The following EMD variants were observed in gnomAD, a reference collection of about 807,000 sequenced individuals.
EMD encodes emerin.
EMD carries 2 observed loss-of-function variants against 15.2 expected under a neutral mutation model. The observed-to-expected ratio is 0.13, with a 90% CI of 0.05 to 0.41. EMD has a LOEUF of 0.41. EMD is among the 10% of genes least tolerant of loss of function. The pLI is 0.99. For synonymous variants in EMD, 122 were observed against 86.2 expected (o/e 1.42, Z -2.30); for missense variants, 224 against 213.4 (o/e 1.05, Z -0.31).
In EMD at chrX:154,379,321, C is replaced by A. The variant is rs1287390553; in HGVS notation, c.-164C>A. 1.9e-6 allele frequency: 1 copy of A among 513,683 alleles called. No homozygotes were observed. The highest frequency in any genetic ancestry group is 2.5e-5 in the African/African-American group (1 of 39,617). The allele number at this position is 513,683 out of a possible 1,213,427, so 42.3% of individuals were successfully genotyped here. A position where few individuals can be genotyped will look rare whatever the true frequency, so the allele number is the denominator to read the frequency against. ...GCCTGCGGAGCCAGCGGCCGTGACG[C>A]GACAACGATTCGGCTGTGACGCGAC... On this transcript the variant is annotated 5_prime_UTR_variant, in exon 1 of 6. Transcript: ENST00000369842.
intron 4 of EMD, 192 bp from the exon 5 acceptor site, chrX:154,380,561 C>A: frequency 1.2e-6 from 1 of 846,565 alleles, no homozygotes; most frequent in Non-Finnish European, 1.7e-6. Flanking sequence ...AAAGGGGATG[C>A]TGGGGCATGA....
chrX:154,381,014 A>G lies in EMD; in HGVS notation c.582A>G (p.Ser194=), dbSNP rs781933286. The change falls in exon 6 of 6, where the codon TCA becomes TCG. Residue 194 remains serine, a synonymous_variant. Coordinates refer to ENST00000369842, the MANE Select transcript of EMD (RefSeq NM_000117.3). ...CCTCCACCTCTTTTATGTCCTCCTC[A>G]TCATCTTCCTCTTCATGGCTCACCC... ...TSSSTSFMSS[S]SSSSSWLTRR... is the part of the protein sequence containing the mutation. The G allele has an allele frequency of 3.3e-6, 4 of 1,211,189 alleles. No individual in the cohort carries two copies. The highest frequency in any genetic ancestry group is 3.5e-5 in the South Asian group (2 of 56,979).
At chrX:154,380,050 A>C (rs983016981) in intron 3 of EMD, 31 bp downstream of exon 3, 13 of 1,198,976 alleles carry the variant, frequency 1.1e-5, no homozygotes, top group Non-Finnish European at 1.5e-5. Context: ...GCACGCTGGC[A>C]CCTTCACCCG....
chrX:154,381,475 CCTGA>C lies in EMD; in HGVS notation c.*281_*284del, dbSNP rs2067888961. The C allele has an allele frequency of 2.8e-6, 1 of 351,028 alleles. No homozygotes were observed. The highest frequency in any genetic ancestry group is 4.9e-6 in the Non-Finnish European group (1 of 202,641). 28.9% of individuals were successfully genotyped at this position (351,028 alleles called of 1,213,427 possible). ...GGGGAGGGGATTAACCAAAGGCCAC[CCTGA>C]CTTTGTTTTTGTGGACACACAATAA... On this transcript the variant is annotated 3_prime_UTR_variant, in exon 6 of 6. Transcript: ENST00000369842.
rs782365183 is a variant in EMD at position 154,380,302 on chromosome X, G to T, written c.334G>T (p.Gly112Cys). The stretch of plus-strand genomic sequence containing the variant: ...GACTTATGGGGAGCCCGAGTCTGCC[G>T]GCCCGTCCAGGGCTGTCCGCCAGTC... ...TRTYGEPESA[G>C]PSRAVRQSVT... Residue 112 changes from glycine (G) to cysteine (C), a missense_variant, in exon 4 of 6, where the codon GGC becomes TGC. By Grantham distance (159) the Gly-to-Cys change is radical. Coordinates refer to ENST00000369842, the MANE Select transcript of EMD (RefSeq NM_000117.3). 9.9e-6 allele frequency: 12 copies of T among 1,211,376 alleles called. No individual in the cohort carries two copies. The South Asian group carries it at 1.8e-4, about 18-fold the overall frequency.
In EMD at chrX:154,381,057, G is replaced by A. The variant is rs1569552108; in HGVS notation, c.625G>A (p.Glu209Lys). ...SWLTRRAIRP[E>K]NRAPGAGLGQ... ...GCTCACCCGCCGTGCCATCCGGCCT[G>A]AAAACCGTGCTCCTGGGGCTGGGCT... is the stretch of plus-strand genomic sequence containing the variant. The change falls in exon 6 of 6, where the codon GAA (glutamate) becomes AAA (lysine). Residue 209 changes from glutamate (E) to lysine (K), a missense_variant. Coordinates refer to ENST00000369842, the MANE Select transcript of EMD (RefSeq NM_000117.3). 2 of 1,212,300 alleles carry A rather than the reference G, an allele frequency of 1.6e-6. No individual in the cohort carries two copies. Among genetic ancestry groups the A allele is most frequent in the Admixed American group, 4.3e-5 (2 of 46,145 alleles).
In EMD at chrX:154,381,322, C is replaced by G; in HGVS notation, c.*125C>G. ...TTTATGTGTTTTTGCTTGGGGGGCG[C>G]TGGGCCTAGCCCAGAGTAGTGCTTG... On this transcript the variant is annotated 3_prime_UTR_variant, in exon 6 of 6. Coordinates refer to ENST00000369842, the MANE Select transcript of EMD (RefSeq NM_000117.3). The G allele has an allele frequency of 1.1e-6, 1 of 935,185 alleles. No homozygotes were observed. The highest frequency in any genetic ancestry group is 1.5e-6 in the Non-Finnish European group (1 of 686,783). 77.1% of individuals were successfully genotyped at this position (935,185 alleles called of 1,213,427 possible). A position where few individuals can be genotyped will look rare whatever the true frequency, so the allele number is the denominator to read the frequency against.
chrX:154,379,851 G>T (rs2067876323), intron 2 of EMD, 57 bp downstream of exon 2: 3 of 1,175,068 alleles, frequency 2.6e-6, no homozygotes, highest in Non-Finnish European at 3.5e-6. Context: ...GGTCGCGAGG[G>T]TGTGGCAGGG....
At chrX:154,379,604 C>G in intron 1 of EMD, 38 bp downstream of exon 1, 2 of 1,182,358 alleles carry the variant, frequency 1.7e-6, no homozygotes, top group South Asian at 3.6e-5. Flanking sequence ...CGGGCCCCCT[C>G]CTCGTGCTCC....
Position 154,379,370 on chromosome X carries a change from G to A in EMD, c.-115G>A, listed in dbSNP as rs900131389. ...ACAACGATTCGGCTGTGACGCGAGCGCGGCCGCTCCCGATGCGCTCGTGCC... is the reference window on the plus strand; with the variant it reads ...ACAACGATTCGGCTGTGACGCGAGCACGGCCGCTCCCGATGCGCTCGTGCC... On this transcript the variant is annotated 5_prime_UTR_variant, in exon 1 of 6. Transcript: ENST00000369842. 1.8e-5 allele frequency: 14 copies of A among 769,595 alleles called. No individual in the cohort carries two copies. Among genetic ancestry groups the A allele is most frequent in the Non-Finnish European group, 2.4e-5 (13 of 539,627 alleles). The allele number at this position is 769,595 out of a possible 1,213,427, so 63.4% of individuals were successfully genotyped here.
Sources: allele counts gnomAD v4.1 joint callset, GRCh38; gene constraint gnomAD v4.1.1; transcripts MANE v1.5; gene names NCBI Gene and HGNC (gene_info 2026-07-23, HGNC 2026-07-21).